Variants in EPHA3 observed in about 807,000 individuals in gnomAD.
EPHA3 encodes the protein ephrin type-A receptor 3.
In EPHA3, 42 loss-of-function variants were observed where a neutral mutation model predicts 107.1. The observed-to-expected ratio is 0.39, with a 90% CI of 0.31 to 0.51. The LOEUF (loss-of-function observed/expected upper bound fraction) is 0.51. Among genes scored for constraint, EPHA3 ranks in the 20% least tolerant of loss-of-function variants. The pLI, the probability that EPHA3 is intolerant of heterozygous loss-of-function variation, is 0.78. For missense variants in EPHA3, 1,183 were observed against 1,211.2 expected (o/e 0.98, Z 0.35); for synonymous variants, 461 against 424.8 (o/e 1.09, Z -1.05).
At chr3:89,199,118 T>C (rs1234464903) in intron 2 of EPHA3, among the ~76,000 whole-genome samples, 1 of 152,206 alleles carries the variant, frequency 6.6e-6, no homozygotes, top group Non-Finnish European at 1.5e-5. Context: ...TTTGGCTATA[T>C]ATGATTAGAA....
chr3:89,138,034 A>G (rs910574218), intron 2 of EPHA3, among the ~76,000 whole-genome samples: 2 of 151,932 alleles, frequency 1.3e-5, no homozygotes, highest in African/African-American at 4.8e-5. Context: ...TTGCTGTGTT[A>G]GAAGATCGTT....
chr3:89,407,937 T>A, intron 8 of EPHA3, 130 bp from the exon 9 acceptor site: 1 of 931,494 alleles, frequency 1.1e-6, no homozygotes, highest in South Asian at 1.7e-5. Context: ...TATGAAGTTA[T>A]TAAACTTTCA....
chr3:89,215,233 G>T (rs1328376110), intron 3 of EPHA3, among the ~76,000 whole-genome samples: 4 of 151,886 alleles, frequency 2.6e-5, no homozygotes, highest in Non-Finnish European at 4.4e-5. Context: ...TGAAGTATAT[G>T]TCAAATGTGC....
chr3:89,322,876 TGTTAA>T (rs145166817), intron 3 of EPHA3, among the ~76,000 whole-genome samples: 6,600 of 152,162 alleles, frequency 0.043, 456 homozygotes, highest in African/African-American at 0.15. Context: ...TTGTCTAATT[TGTTAA>T]GTTATCTAGA....
At chr3:89,135,960 A>G (rs1704300992) in intron 2 of EPHA3, among the ~76,000 whole-genome samples, 1 of 152,276 alleles carries the variant, frequency 6.6e-6, no homozygotes, top group South Asian at 2.1e-4. Context: ...TTACAGTATG[A>G]TGTTATTTGC....
chr3:89,308,389 A>T (rs1227144641), intron 3 of EPHA3, among the ~76,000 whole-genome samples: 1 of 152,180 alleles, frequency 6.6e-6, no homozygotes, highest in African/African-American at 2.4e-5. Context: ...ACCATCAGAG[A>T]TGAAAACATA....
intron 15 of EPHA3, among the ~76,000 whole-genome samples, chr3:89,460,748 C>T (rs1343848857): frequency 6.9e-6 from 1 of 145,618 alleles, no homozygotes; most frequent in African/African-American, 2.6e-5. Flanking sequence ...TGACTTTGCT[C>T]AGTGAATAAA....
chr3:89,302,204 T>G (rs551074544), intron 3 of EPHA3, among the ~76,000 whole-genome samples: 1 of 152,250 alleles, frequency 6.6e-6, no homozygotes, highest in African/African-American at 2.4e-5. Flanking sequence ...AATAGCAACC[T>G]CCTTCATATT....
chr3:89,390,785 A>ATTTTTCT (rs1553689193), intron 5 of EPHA3, among the ~76,000 whole-genome samples: 1 of 132,106 alleles, frequency 7.6e-6, no homozygotes, highest in Non-Finnish European at 1.6e-5. Context: ...ATTGAAAAGC[A>ATTTTTCT]TTTTTTTTTT....
intron 5 of EPHA3, among the ~76,000 whole-genome samples, chr3:89,393,882 A>T (rs1236223084): frequency 6.6e-6 from 1 of 152,204 alleles, no homozygotes; most frequent in Non-Finnish European, 1.5e-5. Context: ...TATAAGAAAA[A>T]TAACTTATCT....
intron 3 of EPHA3, among the ~76,000 whole-genome samples, chr3:89,332,392 G>T (rs1462444227): frequency 1.3e-5 from 2 of 152,192 alleles, no homozygotes; most frequent in African/African-American, 4.8e-5. Flanking sequence ...AGCCATACTG[G>T]ATTGTGATTG....
At chr3:89,194,128 T>C (rs1269392867) in intron 2 of EPHA3, among the ~76,000 whole-genome samples, 1 of 152,028 alleles carries the variant, frequency 6.6e-6, no homozygotes, top group Non-Finnish European at 1.5e-5. Flanking sequence ...CAAATATTCT[T>C]CCAGAAATGT....
chr3:89,135,503 C>T (rs1217538228), intron 2 of EPHA3, among the ~76,000 whole-genome samples: 1 of 152,024 alleles, frequency 6.6e-6, no homozygotes, highest in Non-Finnish European at 1.5e-5. Flanking sequence ...AGAGAGCTAA[C>T]AACGATTTTT....
chr3:89,249,281 GAGA>G (rs1422451725), intron 3 of EPHA3, among the ~76,000 whole-genome samples: 1 of 152,132 alleles, frequency 6.6e-6, no homozygotes, highest in East Asian at 1.9e-4. Context: ...TCCTGGCATT[GAGA>G]AGCTTTGACA....
rs1559747476 is a variant in EPHA3, at chr3:89,136,329, G to GATTTTTTTTTTTTT, written c.153+9056_153+9057insATTTTTTTTTTTTT. On this transcript the variant is annotated intron_variant, in intron 2 of 16. Coordinates refer to ENST00000336596, the MANE Select transcript of EPHA3 (RefSeq NM_005233.6). Reference sequence around the variant, plus strand: ...AGAAAAACATGGCAAAATCTTACAGGCTTTTTTTTTTTTTTTTTTTTTTTT... The same window carrying GATTTTTTTTTTTTT: ...AGAAAAACATGGCAAAATCTTACAGGATTTTTTTTTTTTTCTTTTTTTTTTTTTTTTTTTTTTTT... Among the ~76,000 whole-genome samples, 2 of 23,870 alleles carry GATTTTTTTTTTTTT rather than the reference G, an allele frequency of 8.4e-5. 1 individual carries two copies. Among genetic ancestry groups the GATTTTTTTTTTTTT allele is most frequent in the Non-Finnish European group, 1.7e-4 (2 of 11,630 alleles). 15.7% of individuals were successfully genotyped at this position (23,870 alleles called of 152,430 possible). A position where few individuals can be genotyped will look rare whatever the true frequency, so the allele number is the denominator to read the frequency against.
chr3:89,222,556 C>T (rs1022134016), intron 3 of EPHA3, among the ~76,000 whole-genome samples: 3 of 150,380 alleles, frequency 2.0e-5, no homozygotes, highest in Admixed American at 6.7e-5. Flanking sequence ...CATGTCTATA[C>T]ATGTCCATAC....
intron 2 of EPHA3, among the ~76,000 whole-genome samples, chr3:89,161,471 T>G (rs934110316): frequency 1.1e-4 from 16 of 152,176 alleles, no homozygotes; most frequent in African/African-American, 3.6e-4. Flanking sequence ...TTTTTTGAAA[T>G]CTAACAATGT....
chr3:89,133,171 G>A (rs1704242304), intron 2 of EPHA3, among the ~76,000 whole-genome samples: 3 of 152,096 alleles, frequency 2.0e-5, no homozygotes, highest in Admixed American at 6.5e-5. Flanking sequence ...TTGAGGTCTT[G>A]AATTTGTATT....
At chr3:89,380,740 G>A (rs1001538141) in intron 5 of EPHA3, among the ~76,000 whole-genome samples, 1 of 149,790 alleles carries the variant, frequency 6.7e-6, no homozygotes, top group East Asian at 2.0e-4. Context: ...ACTATAAACT[G>A]TGACTCTTTA....
Sources: allele counts gnomAD v4.1 joint callset (sites outside exome capture counted in the v4.1 genomes callset), GRCh38; gene constraint gnomAD v4.1.1; transcripts MANE v1.5; gene names NCBI Gene and HGNC (gene_info 2026-07-23, HGNC 2026-07-21).